NEK6: variants seen among roughly 807,000 people sequenced by gnomAD.
NEK6 encodes the protein serine/threonine-protein kinase Nek6.
A neutral mutation model predicts 43.5 loss-of-function variants in NEK6; 27 were observed. That is an observed-to-expected ratio of 0.62 (90% confidence interval 0.46 to 0.86). NEK6 has a LOEUF of 0.86. Among genes scored for constraint, NEK6 ranks in the 40% least tolerant of loss-of-function variants. The pLI is 0.00. For synonymous variants in NEK6, 167 were observed against 164.1 expected, an observed-to-expected ratio of 1.02 and a Z score of -0.14; for missense variants, 318 against 414.4, an observed-to-expected ratio of 0.77 and a Z score of 2.02.
intron 4 of NEK6, among the ~76,000 whole-genome samples, chr9:124,317,284 G>T (rs367656680): frequency 1.3e-5 from 2 of 152,114 alleles, no homozygotes; most frequent in African/African-American, 4.8e-5. Context: ...ACAGGGTCTC[G>T]CTCTGTCACC....
intron 7 of NEK6, among the ~76,000 whole-genome samples, chr9:124,332,242 C>G (rs1248213665): frequency 6.6e-6 from 1 of 152,056 alleles, no homozygotes; most frequent in Non-Finnish European, 1.5e-5. Context: ...CTGGCTTGGC[C>G]CCTGCCTTTG....
At chr9:124,317,447 A>C (rs1329846970) in intron 4 of NEK6, among the ~76,000 whole-genome samples, 2 of 152,340 alleles carry the variant, frequency 1.3e-5, no homozygotes, top group South Asian at 4.1e-4. Flanking sequence ...GCCTGACCTC[A>C]GGTGATCCAC....
chr9:124,313,286 A>G (rs890851101), intron 3 of NEK6, among the ~76,000 whole-genome samples: 11 of 152,174 alleles, frequency 7.2e-5, no homozygotes, highest in Admixed American at 2.0e-4. Context: ...GGCGTTGGGG[A>G]AATGGGGAGA....
At chr9:124,278,365 G>A (rs1831735003) in intron 1 of NEK6, among the ~76,000 whole-genome samples, 1 of 151,558 alleles carries the variant, frequency 6.6e-6, no homozygotes, top group Non-Finnish European at 1.5e-5. Flanking sequence ...GGCGTTGGGG[G>A]CATGGGCTGG....
At chr9:124,330,873 C>G (rs1312654927) in intron 7 of NEK6, among the ~76,000 whole-genome samples, 2 of 152,272 alleles carry the variant, frequency 1.3e-5, no homozygotes, top group East Asian at 3.9e-4. Context: ...GTGGCTCCAC[C>G]CCTCCCAGAG....
intron 7 of NEK6, among the ~76,000 whole-genome samples, chr9:124,330,411 C>A (rs1009753561): frequency 6.6e-6 from 1 of 152,194 alleles, no homozygotes; most frequent in Non-Finnish European, 1.5e-5. Context: ...CAAGACAAAT[C>A]ACGGGGCTGG....
At chr9:124,329,217 G>A (rs1014049924) in intron 7 of NEK6, among the ~76,000 whole-genome samples, 1 of 152,218 alleles carries the variant, frequency 6.6e-6, no homozygotes, top group African/African-American at 2.4e-5. Context: ...GTTTCGGTCA[G>A]TTTGGGACTG....
chr9:124,339,019 ATTTTTTTTTTTTT>A (rs538411121), intron 7 of NEK6, among the ~76,000 whole-genome samples: 1 of 61,808 alleles, frequency 1.6e-5, no homozygotes, highest in South Asian at 7.1e-4. Context: ...CCCCATCCTG[ATTTTTTTTTTTTT>A]TTTTTTTTTT....
At chr9:124,325,502 GCAAAAAGCCCCTGCA>G (rs1834289495) in intron 5 of NEK6, among the ~76,000 whole-genome samples, 1 of 152,244 alleles carries the variant, frequency 6.6e-6, no homozygotes, top group Non-Finnish European at 1.5e-5. Context: ...TTGCTTTGAA[GCAAAAAGCCCCTGCA>G]CAAAAAGCTG....
intron 7 of NEK6, among the ~76,000 whole-genome samples, chr9:124,328,461 C>G (rs866292360): frequency 1.3e-5 from 2 of 152,282 alleles, no homozygotes; most frequent in East Asian, 1.9e-4. Context: ...AGGCCCACCC[C>G]CTGTGTGCTG....
intron 8 of NEK6, among the ~76,000 whole-genome samples, chr9:124,347,265 G>A (rs991267787): frequency 1.6e-4 from 25 of 152,192 alleles, no homozygotes; most frequent in Admixed American, 6.5e-5. Flanking sequence ...ACCCCAAAAT[G>A]TCAGTCCATA....
At chr9:124,271,118 C>A (rs1232932732) in intron 1 of NEK6, among the ~76,000 whole-genome samples, 2 of 152,396 alleles carry the variant, frequency 1.3e-5, no homozygotes, top group Non-Finnish European at 2.9e-5. Context: ...TCTCCCTCTT[C>A]ATCCGGAGCC....
chr9:124,295,081 GC>G (rs375624448), intron 1 of NEK6, among the ~76,000 whole-genome samples: 4 of 152,362 alleles, frequency 2.6e-5, no homozygotes, highest in African/African-American at 7.2e-5. Flanking sequence ...GATGCTGCAG[GC>G]CCACCCTGGG....
chr9:124,302,388 C>G (rs1247949453), intron 2 of NEK6, among the ~76,000 whole-genome samples: 1 of 152,180 alleles, frequency 6.6e-6, no homozygotes, highest in Non-Finnish European at 1.5e-5. Flanking sequence ...GCCCTGAGAA[C>G]AGCGAGGGAC....
intron 4 of NEK6, among the ~76,000 whole-genome samples, chr9:124,317,751 C>T (rs1294981757): frequency 6.6e-6 from 1 of 152,142 alleles, no homozygotes; most frequent in Non-Finnish European, 1.5e-5. Flanking sequence ...ATTTAGCTCC[C>T]ACTTATAAAA....
At chr9:124,309,999 A>G (rs963243669) in intron 2 of NEK6, among the ~76,000 whole-genome samples, 2 of 152,192 alleles carry the variant, frequency 1.3e-5, no homozygotes, top group African/African-American at 4.8e-5. Context: ...GGCAGGGCTC[A>G]GGTGACTGAA....
chr9:124,293,987 T>C (rs776989221), intron 1 of NEK6, among the ~76,000 whole-genome samples: 2 of 152,224 alleles, frequency 1.3e-5, no homozygotes, highest in Non-Finnish European at 2.9e-5. Context: ...GCAGCCTCCC[T>C]GCAAGCTTGG....
intron 7 of NEK6, among the ~76,000 whole-genome samples, chr9:124,334,616 G>A (rs1324892486): frequency 6.6e-6 from 1 of 152,212 alleles, no homozygotes. Context: ...ACAGAACAAA[G>A]GGACAAACCT....
chr9:124,273,740 A>G lies in NEK6; in HGVS notation c.-30+15655A>G, dbSNP rs1185624791. On this transcript the variant is annotated intron_variant, in intron 1 of 9. Transcript: ENST00000320246. ...GAGGAGGCTAAAGACTTCAGTTCTG[A>G]GTGGCGGCTCGCAGCCTCACTGCAG... Among the ~76,000 whole-genome samples, 8 of 152,322 alleles carry G rather than the reference A, an allele frequency of 5.3e-5. No individual in the cohort carries two copies. The South Asian group carries it at 1.7e-3, about 32-fold the overall frequency.
Sources: gnomAD v4.1 joint callset for allele counts (sites outside exome capture counted in the v4.1 genomes callset) on GRCh38, gnomAD v4.1.1 for gene constraint, MANE v1.5 for transcripts, NCBI Gene and HGNC (gene_info 2026-07-23, HGNC 2026-07-21) for gene names.